The following BCAR3 variants were observed in gnomAD, a reference collection of about 807,000 sequenced individuals.
BCAR3 encodes breast cancer anti-estrogen resistance protein 3.
Under a neutral mutation model 80.1 loss-of-function variants are expected in BCAR3, and 37 were observed. The ratio of observed to expected loss-of-function variants is 0.46; its 90% confidence interval spans 0.36 to 0.61. The LOEUF (loss-of-function observed/expected upper bound fraction) is 0.61. Among genes scored for constraint, BCAR3 ranks in the 20% least tolerant of loss-of-function variants. BCAR3 has a pLI of 0.00. For missense variants in BCAR3, 978 were observed against 1,068.2 expected, an observed-to-expected ratio of 0.92 and a Z score of 1.18; for synonymous variants, 389 against 418.9, an observed-to-expected ratio of 0.93 and a Z score of 0.87.
intron 3 of BCAR3, among the ~76,000 whole-genome samples, chr1:93,642,007 C>A (rs1458211443): frequency 6.6e-6 from 1 of 152,174 alleles, no homozygotes; most frequent in East Asian, 1.9e-4. Context: ...CCCCAAACCT[C>A]TCTGGGAGTA....
At chr1:93,682,884 CA>C (rs1400163985), upstream of BCAR3, among the ~76,000 whole-genome samples, 3 of 152,046 alleles carry the variant, frequency 2.0e-5, no homozygotes, top group Non-Finnish European at 4.4e-5. Flanking sequence ...AAAAGTAAAC[CA>C]ATAACACGAT....
chr1:93,588,562 C>G (rs754644420), intron 5 of BCAR3, among the ~76,000 whole-genome samples: 1 of 152,160 alleles, frequency 6.6e-6, no homozygotes, highest in Non-Finnish European at 1.5e-5. Context: ...TGCTACGGGT[C>G]CCTTGCACAG....
chr1:93,728,428 T>A (rs951381448), intron 2 of BCAR3, among the ~76,000 whole-genome samples: 1 of 152,244 alleles, frequency 6.6e-6, no homozygotes, highest in African/African-American at 2.4e-5. Flanking sequence ...CGACTTGTGT[T>A]AACCAGTTCA....
chr1:93,713,595 C>A (rs1650099532), intron 2 of BCAR3, among the ~76,000 whole-genome samples: 1 of 152,194 alleles, frequency 6.6e-6, no homozygotes, highest in Non-Finnish European at 1.5e-5. Context: ...CTGCTAAAAT[C>A]AATACTTAGT....
At chr1:93,731,648 AAAATAAAATAAAAT>A (rs1650794306) in intron 2 of BCAR3, among the ~76,000 whole-genome samples, 1 of 18,858 alleles carries the variant, frequency 5.3e-5, no homozygotes, top group African/African-American at 1.1e-4. Context: ...ATGTTAAAGT[AAAATAAAATAAAAT>A]AAAATAAAAT....
chr1:93,690,063 C>G (rs1258586348), intron 3 of BCAR3, among the ~76,000 whole-genome samples: 2 of 152,232 alleles, frequency 1.3e-5, no homozygotes, highest in African/African-American at 4.8e-5. Flanking sequence ...CTGGCATGCA[C>G]TCTGCAGCTG....
intron 11 of BCAR3, among the ~76,000 whole-genome samples, chr1:93,565,068 T>C (rs1174178162): frequency 6.6e-6 from 1 of 152,030 alleles, no homozygotes; most frequent in African/African-American, 2.4e-5. Flanking sequence ...AGAATATCCT[T>C]GGTGGATAAC....
intron 2 of BCAR3, among the ~76,000 whole-genome samples, chr1:93,794,113 G>GA (rs1409658126): frequency 4.2e-5 from 1 of 23,964 alleles, no homozygotes; most frequent in African/African-American, 4.2e-4. Flanking sequence ...GTGTGGTGCT[G>GA]AAAAAAATGT....
At chr1:93,577,904 G>GTCACT (rs541569103) in intron 7 of BCAR3, among the ~76,000 whole-genome samples, 41 of 152,332 alleles carry the variant, frequency 2.7e-4, no homozygotes, top group African/African-American at 9.9e-4. Flanking sequence ...CCATGCCTGG[G>GTCACT]TCACTTCCCT....
chr1:93,621,984 G>A (rs1460750233), intron 3 of BCAR3, among the ~76,000 whole-genome samples: 1 of 152,196 alleles, frequency 6.6e-6, no homozygotes, highest in Non-Finnish European at 1.5e-5. Flanking sequence ...TGATTCTCCT[G>A]CCTCAGCCTC....
intron 2 of BCAR3, among the ~76,000 whole-genome samples, chr1:93,828,592 A>G (rs1489611983): frequency 6.6e-6 from 1 of 152,146 alleles, no homozygotes; most frequent in African/African-American, 2.4e-5. Flanking sequence ...CTTTTTGTGC[A>G]ATCACATTTC....
intron 2 of BCAR3, among the ~76,000 whole-genome samples, chr1:93,744,634 A>AT: frequency 6.6e-6 from 1 of 152,290 alleles, no homozygotes; most frequent in Middle Eastern, 3.4e-3. Context: ...GGCACATCCC[A>AT]TGAAACGTTT....
intron 2 of BCAR3, among the ~76,000 whole-genome samples, chr1:93,779,462 A>C (rs753909697): frequency 2.6e-5 from 4 of 152,218 alleles, no homozygotes; most frequent in Admixed American, 6.5e-5. Flanking sequence ...GGTGGACATA[A>C]GTAAAATGAA....
At chr1:93,598,009 AGCCAGG>A (rs1674488575) in intron 3 of BCAR3, among the ~76,000 whole-genome samples, 1 of 152,244 alleles carries the variant, frequency 6.6e-6, no homozygotes, top group African/African-American at 2.4e-5. Context: ...AGGCTGGAAT[AGCCAGG>A]GCCCAGGAGA....
intron 3 of BCAR3, among the ~76,000 whole-genome samples, chr1:93,601,377 G>A (rs75823144): frequency 1.3e-4 from 20 of 152,164 alleles, no homozygotes; most frequent in East Asian, 3.8e-4. Flanking sequence ...TTGTTTATTC[G>A]TTTATTTCAG....
At chr1:93,647,945 G>A (rs537428929) in intron 2 of BCAR3, among the ~76,000 whole-genome samples, 1 of 152,142 alleles carries the variant, frequency 6.6e-6, no homozygotes, top group East Asian at 1.9e-4. Context: ...GCTAATTTTT[G>A]TATTTTTAGT....
chr1:93,713,140 A>G (rs918778080), intron 2 of BCAR3, among the ~76,000 whole-genome samples: 8 of 152,158 alleles, frequency 5.3e-5, no homozygotes, highest in Admixed American at 1.3e-4. Context: ...TTGCATGTTC[A>G]ATTTTATTTC....
intron 2 of BCAR3, among the ~76,000 whole-genome samples, chr1:93,786,179 C>T (rs1388060532): frequency 2.4e-5 from 2 of 84,748 alleles, no homozygotes; most frequent in Non-Finnish European, 3.9e-5. Context: ...GGCGTCAGAG[C>T]GAGACTCCGT....
intron 9 of BCAR3, among the ~76,000 whole-genome samples, chr1:93,568,672 A>G (rs116192333): frequency 6.6e-6 from 1 of 152,338 alleles, no homozygotes; most frequent in Non-Finnish European, 1.5e-5. Flanking sequence ...AAAAATAAAT[A>G]CATGCATATT....
Sources: allele counts gnomAD v4.1 joint callset (sites outside exome capture counted in the v4.1 genomes callset), GRCh38; gene constraint gnomAD v4.1.1; transcripts MANE v1.5; gene names NCBI Gene and HGNC (gene_info 2026-07-23, HGNC 2026-07-21).